The following WDPCP variants were observed in gnomAD, a reference collection of about 807,000 sequenced individuals.
The protein encoded by WDPCP is WD repeat-containing and planar cell polarity effector protein fritz homolog.
In WDPCP, 71 loss-of-function variants were observed where a neutral mutation model predicts 93.1. The observed-to-expected ratio is 0.76, with a 90% CI of 0.63 to 0.93. The LOEUF (loss-of-function observed/expected upper bound fraction) is 0.93, where lower values mean the gene tolerates loss of function less well. Ranked by LOEUF, WDPCP falls within the 40% of genes least tolerant of loss-of-function variation. The pLI is 0.00. For synonymous variants in WDPCP, 315 were observed against 315.0 expected (o/e 1.00, Z 0.00); for missense variants, 844 against 887.4 (o/e 0.95, Z 0.62).
At chr2:63,299,046 A>T (rs904303552) in intron 13 of WDPCP, among the ~76,000 whole-genome samples, 2 of 151,586 alleles carry the variant, frequency 1.3e-5, no homozygotes, top group African/African-American at 4.9e-5. Context: ...TGTAGATGCA[A>T]TGTGGGCATC....
At chr2:63,525,438 C>G (rs1020715586) in intron 1 of WDPCP, among the ~76,000 whole-genome samples, 3 of 152,138 alleles carry the variant, frequency 2.0e-5, no homozygotes, top group African/African-American at 7.2e-5. Context: ...TAAAAAGTCT[C>G]TTTCTCTCAT....
At chr2:63,693,251 G>A (rs1668914085) in intron 2 of WDPCP, among the ~76,000 whole-genome samples, 1 of 152,090 alleles carries the variant, frequency 6.6e-6, no homozygotes, top group Non-Finnish European at 1.5e-5. Context: ...ACATTGGTAA[G>A]ATGTTTTATA....
intron 1 of WDPCP, among the ~76,000 whole-genome samples, chr2:63,559,127 C>A (rs572167632): frequency 1.3e-5 from 2 of 152,260 alleles, no homozygotes; most frequent in South Asian, 2.1e-4. Flanking sequence ...GCTGGTTCAA[C>A]ATATGCAAAT....
chr2:63,584,394 T>TA lies in WDPCP; in HGVS notation c.75+3802_75+3803insT, dbSNP rs1708703706. On this transcript the variant is annotated intron_variant, in intron 1 of 17. Transcript: ENST00000272321. ...AATTTTTATAAAAATTAAATCATAA[T>TA]GTATATATTATTATATGGTTTGCTT... Among the ~76,000 whole-genome samples, 7 of 152,300 alleles carry TA rather than the reference T, an allele frequency of 4.6e-5. No homozygotes were observed. The South Asian group carries it at 1.4e-3, about 32-fold the overall frequency.
intron 3 of WDPCP, chr2:63,622,799 G>C: frequency 5.0e-6 from 8 of 1,612,294 alleles, no homozygotes; most frequent in Non-Finnish European, 6.8e-6. Context: ...AGGAACTCCG[G>C]AGCACGCTCT....
At chr2:63,214,262 AG>A (rs1344575804) in intron 14 of WDPCP, among the ~76,000 whole-genome samples, 2 of 152,222 alleles carry the variant, frequency 1.3e-5, no homozygotes, top group Non-Finnish European at 2.9e-5. Context: ...CACATCAAAA[AG>A]CTTATCCACC....
chr2:63,143,083 C>T (rs951789374), intron 17 of WDPCP, among the ~76,000 whole-genome samples: 2 of 151,960 alleles, frequency 1.3e-5, no homozygotes, highest in African/African-American at 2.4e-5. Context: ...CGTGGAGTAG[C>T]GGGGACTACA....
intron 2 of WDPCP, among the ~76,000 whole-genome samples, chr2:63,727,088 T>C (rs909950146): frequency 6.6e-6 from 1 of 152,148 alleles, no homozygotes; most frequent in Non-Finnish European, 1.5e-5. Context: ...CTATGTTGAA[T>C]AGGAGTGGTG....
rs143451287 is a variant in WDPCP, at chr2:63,748,350, A to G, written n.308+65272T>C. Among the ~76,000 whole-genome samples the G allele has an allele frequency of 2.8e-4, 42 of 152,042 alleles. No homozygotes were observed. In the East Asian group the frequency reaches 7.7e-3, roughly 28 times the overall value. On this transcript the variant is annotated intron_variant and non_coding_transcript_variant, in intron 2 of 4. Coordinates refer to the WDPCP transcript ENST00000467687. Reference sequence around the variant, plus strand: ...ATAAAATTATTTGAATAACCACAAGATATAATATTTTCCTTAGTTTTATTT... The same window carrying G: ...ATAAAATTATTTGAATAACCACAAGGTATAATATTTTCCTTAGTTTTATTT...
At chr2:63,172,900 G>A (rs1673504611) in intron 15 of WDPCP, among the ~76,000 whole-genome samples, 1 of 152,050 alleles carries the variant, frequency 6.6e-6, no homozygotes, top group African/African-American at 2.4e-5. Flanking sequence ...TGTGAAGGAA[G>A]AAAGAAGCAT....
chr2:63,161,383 C>A lies in WDPCP; in HGVS notation c.2079-7809G>T, dbSNP rs191260993. On this transcript the variant is annotated intron_variant, in intron 15 of 17. Coordinates refer to ENST00000272321, the MANE Select transcript of WDPCP (RefSeq NM_015910.7). The stretch of plus-strand genomic sequence containing the variant: ...TGAATTTCTTAACCTTTTTGTCACT[C>A]CTTCTTGACACAGAAAGGTATGTGA... Among the ~76,000 whole-genome samples the A allele has an allele frequency of 1.1e-3, 170 of 152,298 alleles. 1 individual carries two copies. Among genetic ancestry groups the A allele is most frequent in the Admixed American group, 3.1e-3 (48 of 15,298 alleles).
intron 3 of WDPCP, among the ~76,000 whole-genome samples, chr2:63,641,838 T>C (rs555329005): frequency 6.6e-6 from 1 of 152,334 alleles, no homozygotes; most frequent in East Asian, 1.9e-4. Flanking sequence ...TTGCCTGTGC[T>C]TGTGGGGTAT....
intron 1 of WDPCP, among the ~76,000 whole-genome samples, chr2:63,541,999 C>T (rs1289554957): frequency 6.6e-6 from 1 of 151,410 alleles, no homozygotes; most frequent in Non-Finnish European, 1.5e-5. Context: ...TATATTAATT[C>T]ATACACACAC....
chr2:63,625,622 G>C (rs1709801902), intron 3 of WDPCP, among the ~76,000 whole-genome samples: 1 of 152,030 alleles, frequency 6.6e-6, no homozygotes, highest in Admixed American at 6.6e-5. Context: ...AACTTACAAG[G>C]GATGTGAAGA....
chr2:63,313,450 C>A, intron 12 of WDPCP, 139 bp from the exon 13 acceptor site: 1 of 851,714 alleles, frequency 1.2e-6, no homozygotes, highest in South Asian at 1.6e-5. Context: ...GGGATTTGGC[C>A]TACTAGGATC....
Position 63,482,246 on chromosome 2 carries a change from C to T in WDPCP, c.384+2358G>A, listed in dbSNP as rs548150371. On this transcript the variant is annotated intron_variant, in intron 6 of 17. Coordinates refer to ENST00000272321, the MANE Select transcript of WDPCP (RefSeq NM_015910.7). ...AATAAATTCATAAATCCTAAATTTA[C>T]CATTTCTTGGGAGAAAATGACGTAC... Among the ~76,000 whole-genome samples, 26 of 152,054 alleles carry T rather than the reference C, an allele frequency of 1.7e-4. No homozygotes were observed. The South Asian group carries it at 5.2e-3, about 30-fold the overall frequency.
chr2:63,764,667 C>T (rs920553971), intron 2 of WDPCP, among the ~76,000 whole-genome samples: 2 of 152,166 alleles, frequency 1.3e-5, no homozygotes, highest in African/African-American at 4.8e-5. Context: ...TCTTTACAAC[C>T]TTGACTTTCT....
intron 12 of WDPCP, among the ~76,000 whole-genome samples, chr2:63,333,061 AT>A (rs1157241093): frequency 1.3e-5 from 2 of 152,092 alleles, no homozygotes; most frequent in East Asian, 3.9e-4. Context: ...ACGATTTTTT[AT>A]TTTTTTGGCC....
At chr2:63,376,340 T>C (rs1400067238) in intron 12 of WDPCP, among the ~76,000 whole-genome samples, 1 of 151,840 alleles carries the variant, frequency 6.6e-6, no homozygotes, top group Non-Finnish European at 1.5e-5. Flanking sequence ...TGGAGAATAA[T>C]AATTTTGATA....
Sources: gnomAD v4.1 joint callset for allele counts (sites outside exome capture counted in the v4.1 genomes callset) on GRCh38, gnomAD v4.1.1 for gene constraint, MANE v1.5 for transcripts, NCBI Gene and HGNC (gene_info 2026-07-23, HGNC 2026-07-21) for gene names.